The following ZNF48 variants were observed in gnomAD, a reference collection of about 807,000 sequenced individuals.
ZNF48 encodes zinc finger protein 553.
In ZNF48, 20 loss-of-function variants were observed where a neutral mutation model predicts 40.0. That is an observed-to-expected ratio of 0.50 (90% confidence interval 0.35 to 0.73). The LOEUF is 0.73. ZNF48 is among the 30% of genes least tolerant of loss of function. The pLI, the probability that ZNF48 is intolerant of heterozygous loss-of-function variation, is 0.01. For missense variants in ZNF48, 726 were observed against 851.9 expected (o/e 0.85, Z 1.84); for synonymous variants, 298 against 329.7 (o/e 0.90, Z 1.04).
In ZNF48 at chr16:30,398,190, C is replaced by A; in HGVS notation, c.940C>A (p.Arg314=). The A allele has an allele frequency of 6.2e-7, 1 of 1,613,998 alleles. No individual in the cohort carries two copies. The highest frequency in any genetic ancestry group is 8.5e-7 in the Non-Finnish European group (1 of 1,180,004). The change falls in exon 3 of 3, where the codon CGG becomes AGG. Residue 314 remains arginine (R), a synonymous_variant. Coordinates refer to ENST00000613509, the MANE Select transcript of ZNF48 (RefSeq NM_001214909.2). The surrounding 1 kb of genome is among the most constrained non-coding windows in gnomAD (Gnocchi z 6.6). ...TGATGTGTGTGGAAAGGAGTTTGCCCGGGGATCCGACCTGGTGAAGCACCT... is the reference window on the plus strand; with the variant it reads ...TGATGTGTGTGGAAAGGAGTTTGCCAGGGGATCCGACCTGGTGAAGCACCT... ...GCDVCGKEFA[R]GSDLVKHLRV...
At chr16:30,380,008 T>G in intron 1 of ZNF48, 2 of 1,612,704 alleles carry the variant, frequency 1.2e-6, no homozygotes, top group South Asian at 2.2e-5. Context: ...GATGTGGATC[T>G]CCTCTTCCTT....
At chr16:30,380,029 C>G (rs764119149) in intron 1 of ZNF48, 2 of 1,609,608 alleles carry the variant, frequency 1.2e-6, no homozygotes, top group East Asian at 4.5e-5. Context: ...CAACTGATCC[C>G]GGATCTCAGG....
At chr16:30,379,043 C>T in intron 1 of ZNF48, 1 of 1,613,626 alleles carries the variant, frequency 6.2e-7, no homozygotes, top group Non-Finnish European at 8.5e-7. Context: ...TCGCGAGCCC[C>T]AGGCCGGGCC....
chr16:30,388,005 T>C (rs1159169035), intron 1 of ZNF48, among the ~76,000 whole-genome samples: 1 of 146,702 alleles, frequency 6.8e-6, no homozygotes, highest in Non-Finnish European at 1.5e-5. Context: ...TTTCTCTTGT[T>C]GCCCAGGCTA....
At chr16:30,395,213 G>C (rs1339539066), upstream of ZNF48, 1 of 456,018 alleles carries the variant, frequency 2.2e-6, no homozygotes, top group Non-Finnish European at 4.4e-6. The surrounding 1 kb of genome is among the most constrained non-coding windows in gnomAD (Gnocchi z 5.9). Flanking sequence ...GAAGAGCCTC[G>C]GGCCTCACCA....
At chr16:30,379,303 G>T (rs2049805001) in intron 1 of ZNF48, 2 of 1,457,588 alleles carry the variant, frequency 1.4e-6, no homozygotes, top group Non-Finnish European at 1.9e-6. Flanking sequence ...GCGGTCTGCA[G>T]CCCAGCGACC....
rs201137578 is a variant in ZNF48, at chr16:30,397,464, A to G, written c.214A>G (p.Ile72Val). ...AAATGCCTCTCTCAAACCTGAAGGC[A>G]TCCAGAACTGGGATGACTTATGGGT... Reference protein sequence around the residue: ...VGNASLKPEGIQNWDDLWVQR... With the variant: ...VGNASLKPEGVQNWDDLWVQR... The change falls in exon 3 of 3, where the codon ATC (isoleucine) becomes GTC (valine). Residue 72 changes from isoleucine (I) to valine (V), a missense_variant. Transcript: ENST00000613509. The surrounding 1 kb of genome is among the most constrained non-coding windows in gnomAD (Gnocchi z 4.1). 6.2e-7 allele frequency: 1 copy of G among 1,614,166 alleles called. No individual in the cohort carries two copies.
At chr16:30,386,117 T>TA (rs951402181) in intron 1 of ZNF48, among the ~76,000 whole-genome samples, 404 of 143,704 alleles carry the variant, frequency 2.8e-3, no homozygotes, top group East Asian at 6.7e-3. Flanking sequence ...CTTTACAAAT[T>TA]AAAAAAAAAA....
Position 30,381,541 on chromosome 16 carries a change from G to A in ZNF48, c.-16+3131G>A. 2 of 1,578,522 alleles carry A rather than the reference G, an allele frequency of 1.3e-6. No homozygotes were observed. Among genetic ancestry groups the A allele is most frequent in the Non-Finnish European group, 1.7e-6 (2 of 1,150,938 alleles). On this transcript the variant is annotated intron_variant, in intron 1 of 2. Transcript: ENST00000528032. The surrounding 1 kb of genome is among the most constrained non-coding windows in gnomAD (Gnocchi z 4.3). ...GAGGGCAGGGGGCAAGGCTAGCCAG[G>A]ACTGTGGGAGTAGAATGTCATTTCT...
At position 30,381,279 on chromosome 16, in the gene ZNF48, G is replaced by A. The variant is rs370529214; in HGVS notation, c.-16+2869G>A. The A allele has an allele frequency of 1.2e-6, 2 of 1,611,346 alleles. No individual in the cohort carries two copies. The highest frequency in any genetic ancestry group is 2.2e-5 in the East Asian group (1 of 44,880). ...GGGATTGGTCATTGCCCAGCCTCAGGGGGCAGAGACCCCCCAGCCCTCCCT... is the reference window on the plus strand; with the variant it reads ...GGGATTGGTCATTGCCCAGCCTCAGAGGGCAGAGACCCCCCAGCCCTCCCT... On this transcript the variant is annotated intron_variant, in intron 1 of 2. Coordinates refer to the ZNF48 transcript ENST00000528032. The surrounding 1 kb of genome is among the most constrained non-coding windows in gnomAD (Gnocchi z 4.3).
chr16:30,383,699 G>A (rs1432445188), intron 1 of ZNF48, among the ~76,000 whole-genome samples: 1 of 152,176 alleles, frequency 6.6e-6, no homozygotes, highest in East Asian at 1.9e-4. Context: ...CAGTAACTCA[G>A]AGTCAAGTCT....
At chr16:30,396,132 A>G (rs1317619451) in intron 2 of ZNF48, 2 of 394,008 alleles carry the variant, frequency 5.1e-6, no homozygotes, top group Non-Finnish European at 9.1e-6. Flanking sequence ...TATCCTGGCA[A>G]TTGCAGTAGC....
chr16:30,379,775 T>C (rs1597004586), intron 1 of ZNF48: 2 of 592,790 alleles, frequency 3.4e-6, no homozygotes, highest in South Asian at 4.0e-5. Flanking sequence ...CCTGGCAAAT[T>C]TGTGTATTTT....
intron 1 of ZNF48, among the ~76,000 whole-genome samples, chr16:30,386,939 C>CTT (rs1173887858): frequency 1.6e-3 from 172 of 107,620 alleles, no homozygotes; most frequent in Middle Eastern, 6.3e-3. Context: ...TGCACCTGGC[C>CTT]TTTTTTTTTT....
intron 1 of ZNF48, chr16:30,379,553 G>T: frequency 6.3e-7 from 1 of 1,597,654 alleles, no homozygotes; most frequent in Non-Finnish European, 8.6e-7. Context: ...CAGGGGGCAG[G>T]GGTTCACCAT....
intron 1 of ZNF48, chr16:30,379,638 C>CTTTTTTTTT: frequency 3.4e-6 from 1 of 295,664 alleles, no homozygotes; most frequent in Non-Finnish European, 5.7e-6. Context: ...CTGCCCCTTC[C>CTTTTTTTTT]TCTTTTTTTT....
chr16:30,388,299 A>T lies in ZNF48; in HGVS notation c.-15-7481A>T, dbSNP rs537416683. On this transcript the variant is annotated intron_variant, in intron 1 of 2. Coordinates refer to the ZNF48 transcript ENST00000528032. ...TGTTCTCTACATCTTTCTATGATAC[A>T]TGCACATGTACATTATCTGTTTTTG... Among the ~76,000 whole-genome samples, 12 of 152,262 alleles carry T rather than the reference A, an allele frequency of 7.9e-5. No individual in the cohort carries two copies. The South Asian group carries it at 2.5e-3, about 32-fold the overall frequency.
At position 30,395,664 on chromosome 16, in the gene ZNF48, G is replaced by A. The variant is rs1322209069; in HGVS notation, c.-16+86G>A. ...GCAGGGGGCACCGGGAGCCGCGCCC[G>A]TACCTGGGACCCGACGCCGCCCGGT... On this transcript the variant is annotated intron_variant, in intron 1 of 2. Coordinates refer to ENST00000613509, the MANE Select transcript of ZNF48 (RefSeq NM_001214909.2). The surrounding 1 kb of genome is among the most constrained non-coding windows in gnomAD (Gnocchi z 5.9). 7.1e-6 allele frequency: 6 copies of A among 839,684 alleles called. No homozygotes were observed. The highest frequency in any genetic ancestry group is 5.4e-5 in the African/African-American group (3 of 55,616). The allele number at this position is 839,684 out of a possible 1,614,324, so 52.0% of individuals were successfully genotyped here.
intron 1 of ZNF48, chr16:30,383,079 G>C: frequency 2.1e-6 from 1 of 466,204 alleles, no homozygotes; most frequent in Non-Finnish European, 4.0e-6. Context: ...CTACTGGGGA[G>C]GCTGAGGTGG....
Sources: gnomAD v4.1 joint callset for allele counts (sites outside exome capture counted in the v4.1 genomes callset) on GRCh38, gnomAD v4.1.1 for gene constraint, Gnocchi (gnomAD v3.1) non-coding constraint, MANE v1.5 for transcripts, NCBI Gene and HGNC (gene_info 2026-07-23, HGNC 2026-07-21) for gene names.